Variants in TET2 observed in about 807,000 individuals in gnomAD.
The protein encoded by TET2 is tet methylcytosine dioxygenase 2.
Under a neutral mutation model 142.9 loss-of-function variants are expected in TET2, and 299 were observed. The ratio of observed to expected loss-of-function variants is 2.09; its 90% CI spans 1.90 to 2.30. The LOEUF (loss-of-function observed/expected upper bound fraction) is 2.30. Among genes scored for constraint, TET2 ranks in the 30% most tolerant of loss-of-function variants. The pLI is 0.00. For missense variants in TET2, 2,418 were observed against 2,378.0 expected (o/e 1.02, Z -0.35); for synonymous variants, 819 against 849.0 (o/e 0.96, Z 0.61).
At chr4:105,181,928 G>A (rs1430087929) in intron 1 of TET2, among the ~76,000 whole-genome samples, 2 of 150,062 alleles carry the variant, frequency 1.3e-5, no homozygotes, top group Admixed American at 1.3e-4. Context: ...CTGTTATCTC[G>A]GTTATTACTT....
chr4:105,227,297 C>G (rs1412784144), intron 2 of TET2, among the ~76,000 whole-genome samples: 1 of 152,202 alleles, frequency 6.6e-6, no homozygotes, highest in Admixed American at 6.5e-5. Flanking sequence ...TGTATATAAA[C>G]TTCGTAACCA....
intron 2 of TET2, among the ~76,000 whole-genome samples, chr4:105,229,136 A>G (rs1728346813): frequency 1.3e-5 from 2 of 152,194 alleles, no homozygotes; most frequent in Non-Finnish European, 2.9e-5. Flanking sequence ...AATCCAAACT[A>G]AATGTTTTCA....
intron 2 of TET2, among the ~76,000 whole-genome samples, chr4:105,212,906 C>T (rs1727257463): frequency 6.6e-6 from 1 of 152,118 alleles, no homozygotes; most frequent in Non-Finnish European, 1.5e-5. Flanking sequence ...AGGAGAATCA[C>T]TTGAACCCAG....
chr4:105,157,874 G>T (rs1370687724), intron 1 of TET2, among the ~76,000 whole-genome samples: 1 of 151,872 alleles, frequency 6.6e-6, no homozygotes, highest in African/African-American at 2.4e-5. Context: ...ACAGCGTTTC[G>T]CCATGTAGGC....
At chr4:105,173,145 T>C (rs938792406) in intron 1 of TET2, among the ~76,000 whole-genome samples, 1 of 152,062 alleles carries the variant, frequency 6.6e-6, no homozygotes, top group Admixed American at 6.5e-5. Flanking sequence ...GGATAAAAAG[T>C]TTACCTATCC....
chr4:105,212,407 T>C (rs1727222176), intron 2 of TET2, among the ~76,000 whole-genome samples: 1 of 152,230 alleles, frequency 6.6e-6, no homozygotes. Flanking sequence ...GATTTGTTTT[T>C]AATGTAGTCA....
Position 105,261,838 on chromosome 4 carries a change from ATAATAATCAG to A in TET2, c.4035_4044del (p.Tyr1345Ter). On this transcript the variant is annotated frameshift_variant and splice_region_variant, in exon 8 of 11. Transcript: ENST00000380013. LOFTEE classifies it high-confidence loss of function. ...TATAAGAAACTTGCACCTGATGCAT[ATAATAATCAG>A]GTAAGTTTAAATAATCATTGGCAGC... The A allele has an allele frequency of 6.5e-7, 1 of 1,544,400 alleles. No homozygotes were observed. Among genetic ancestry groups the A allele is most frequent in the Non-Finnish European group, 8.8e-7 (1 of 1,141,666 alleles).
chr4:105,237,291 A>C lies in TET2; in HGVS notation c.3349A>C (p.Lys1117Gln). The C allele has an allele frequency of 6.2e-7, 1 of 1,614,144 alleles. No individual in the cohort carries two copies. Among genetic ancestry groups the C allele is most frequent in the Non-Finnish European group, 8.5e-7 (1 of 1,179,982 alleles). Reference sequence around the variant, plus strand: ...TTCCAAATTACTAGATACTCCTATAAAAAATTTATTGGATACACCTGTCAA... The same window carrying C: ...TTCCAAATTACTAGATACTCCTATACAAAATTTATTGGATACACCTGTCAA... Reference protein sequence around the residue: ...SPSKLLDTPIKNLLDTPVKTQ... With the variant: ...SPSKLLDTPIQNLLDTPVKTQ... The change falls in exon 3 of 11, where the codon AAA (lysine) becomes CAA (glutamine). Residue 1117 changes from lysine (K) to glutamine (Q), a missense_variant. Lys to Gln is a moderately conservative substitution (Grantham distance 53). Transcript: ENST00000380013.
chr4:105,183,228 G>A (rs1289796083), intron 1 of TET2, among the ~76,000 whole-genome samples: 3 of 151,878 alleles, frequency 2.0e-5, no homozygotes, highest in Admixed American at 6.6e-5. Context: ...ACATCATTTT[G>A]TAATATTAAA....
Position 105,259,619 on chromosome 4 carries a change from G to A in TET2, c.3804G>A (p.Glu1268=). Residue 1268 remains glutamate, a splice_region_variant and synonymous_variant, in exon 7 of 11, where the codon GAG becomes GAA. Transcript: ENST00000380013. ...TGAATTTGGTCTTTTGATTTTTCAGGAGAACTTGCGCCTGTCAGGGGCTGG... is the reference window on the plus strand; with the variant it reads ...TGAATTTGGTCTTTTGATTTTTCAGAAGAACTTGCGCCTGTCAGGGGCTGG... ...LTNRRCALNE[E]RTCACQGLDP... 1 of 1,550,328 alleles carries A rather than the reference G, an allele frequency of 6.5e-7. No homozygotes were observed. Among genetic ancestry groups the A allele is most frequent in the South Asian group, 1.2e-5 (1 of 83,924 alleles).
intron 6 of TET2, among the ~76,000 whole-genome samples, chr4:105,251,369 T>G: frequency 6.6e-6 from 1 of 152,224 alleles, no homozygotes; most frequent in East Asian, 1.9e-4. Context: ...TTGTAGGTTT[T>G]GTTTAAAAAA....
In TET2 at chr4:105,269,710, A is replaced by C. The variant is rs1131691943; in HGVS notation, c.4145A>C (p.His1382Pro). 1 of 1,551,698 alleles carries C rather than the reference A, an allele frequency of 6.4e-7. No individual in the cohort carries two copies. Among genetic ancestry groups the C allele is most frequent in the Non-Finnish European group, 8.7e-7 (1 of 1,146,948 alleles). Residue 1382 changes from histidine (H) to proline (P), a missense_variant, in exon 9 of 11, where the codon CAC (histidine) becomes CCC (proline). By Grantham distance (77) the His-to-Pro change is moderately conservative. Coordinates refer to ENST00000380013, the MANE Select transcript of TET2 (RefSeq NM_001127208.3). ...TGTTTGGACTTCTGTGCTCATGCCCACAGAGACTTGCACAACATGCAGAAT... is the reference window on the plus strand; with the variant it reads ...TGTTTGGACTTCTGTGCTCATGCCCCCAGAGACTTGCACAACATGCAGAAT... The part of the protein sequence containing the change: ...TACLDFCAHA[H>P]RDLHNMQNGS...
intron 2 of TET2, among the ~76,000 whole-genome samples, chr4:105,224,285 G>T (rs1728038709): frequency 6.6e-6 from 1 of 152,132 alleles, no homozygotes; most frequent in African/African-American, 2.4e-5. Flanking sequence ...AGAGTCAAAT[G>T]GTATGGAGCA....
chr4:105,165,236 C>T (rs1405247037), intron 1 of TET2, among the ~76,000 whole-genome samples: 4 of 151,946 alleles, frequency 2.6e-5, no homozygotes, highest in Non-Finnish European at 5.9e-5. Flanking sequence ...ATTAGCCAGG[C>T]GTGGTGGTGG....
At chr4:105,151,175 G>A (rs531831007) in intron 1 of TET2, among the ~76,000 whole-genome samples, 3 of 151,936 alleles carry the variant, frequency 2.0e-5, no homozygotes, top group Non-Finnish European at 4.4e-5. Context: ...TAAAAAGTTA[G>A]TGGGGCATGG....
chr4:105,154,843 G>A (rs1334221294), intron 1 of TET2, among the ~76,000 whole-genome samples: 1 of 152,050 alleles, frequency 6.6e-6, no homozygotes, highest in Non-Finnish European at 1.5e-5. Context: ...TGGGCAACAT[G>A]GCAAAACCCC....
Position 105,236,065 on chromosome 4 carries a change from C to G in TET2, c.2123C>G (p.Ser708Ter). The change falls in exon 3 of 11, where the codon TCA (serine) becomes TGA (stop). Residue 708 changes from serine to a stop codon, truncating the protein, a stop_gained. Coordinates refer to ENST00000380013, the MANE Select transcript of TET2 (RefSeq NM_001127208.3). LOFTEE classifies it high-confidence loss of function. Reference protein sequence around the residue: ...VLKQHLNQQASETEPFSNSHL... With the variant: ...VLKQHLNQQA ...AAACAGCACTTGAATCAACAGGCTT[C>G]AGAGACTGAGCCATTTTCAAACTCA... The G allele has an allele frequency of 1.2e-6, 2 of 1,614,108 alleles. No homozygotes were observed. Among genetic ancestry groups the G allele is most frequent in the Non-Finnish European group, 1.7e-6 (2 of 1,179,990 alleles).
At position 105,273,189 on chromosome 4, in the gene TET2, C is replaced by T. The variant is rs140198766; in HGVS notation, c.4537+271C>T. Among the ~76,000 whole-genome samples, 293 of 152,192 alleles carry T rather than the reference C, an allele frequency of 1.9e-3. 1 individual carries two copies. Among genetic ancestry groups the T allele is most frequent in the African/African-American group, 6.8e-3 (284 of 41,534 alleles). On this transcript the variant is annotated intron_variant, in intron 10 of 10. Coordinates refer to ENST00000380013, the MANE Select transcript of TET2 (RefSeq NM_001127208.3). ...CTCCCCCACCATGTGTCCATGTGCT[C>T]TTATTGTAAAATGAACATTGTTAAT...
rs190579163 is a variant in TET2, at chr4:105,159,877, G to A, written c.-193+12898G>A. On this transcript the variant is annotated intron_variant, in intron 1 of 10. Transcript: ENST00000380013. ...AAATTAGCTGGGCGTGGTGGCGGGC[G>A]CCTGTAATCCCAGCTACTTGGGAGA... is the stretch of plus-strand genomic sequence containing the variant. Among the ~76,000 whole-genome samples, 79 of 152,202 alleles carry A rather than the reference G, an allele frequency of 5.2e-4. 1 individual carries two copies. The highest frequency in any genetic ancestry group is 1.7e-3 in the African/African-American group (70 of 41,558).
Sources: allele counts gnomAD v4.1 joint callset (sites outside exome capture counted in the v4.1 genomes callset), GRCh38; gene constraint gnomAD v4.1.1; transcripts MANE v1.5; gene names NCBI Gene and HGNC (gene_info 2026-07-23, HGNC 2026-07-21).